The following TFDP2 variants were observed in gnomAD, a reference collection of about 807,000 sequenced individuals.
The protein encoded by TFDP2 is transcription factor Dp-2.
A neutral mutation model predicts 59.3 loss-of-function variants in TFDP2; 17 were observed. The observed-to-expected ratio is 0.29, with a 90% confidence interval of 0.20 to 0.43. The LOEUF (loss-of-function observed/expected upper bound fraction) is 0.43, where lower values mean the gene tolerates loss of function less well. TFDP2 is among the 20% of genes least tolerant of loss of function. The pLI is 1.00. For missense variants in TFDP2, 391 were observed against 528.8 expected, an observed-to-expected ratio of 0.74 and a Z score of 2.56; for synonymous variants, 180 against 194.7, an observed-to-expected ratio of 0.92 and a Z score of 0.63.
chr3:141,952,742 C>A (rs746051327), intron 12 of TFDP2, 46 bp from the exon 13 acceptor site: 1 of 1,602,534 alleles, frequency 6.2e-7, no homozygotes. Context: ...GTGGTATAAA[C>A]AGTTTTGTAA....
chr3:142,042,389 T>C (rs1196524167), intron 3 of TFDP2, among the ~76,000 whole-genome samples: 1 of 152,052 alleles, frequency 6.6e-6, no homozygotes, highest in Non-Finnish European at 1.5e-5. Context: ...TCTCTTGGGT[T>C]CAAGTGATTC....
intron 1 of TFDP2, among the ~76,000 whole-genome samples, chr3:142,119,354 G>T (rs116456478): frequency 6.6e-6 from 1 of 151,920 alleles, no homozygotes; most frequent in African/African-American, 2.4e-5. Context: ...AAAAGCAAAG[G>T]AATTAGACTA....
At chr3:142,108,361 C>T (rs142800724) in intron 1 of TFDP2, among the ~76,000 whole-genome samples, 1 of 152,188 alleles carries the variant, frequency 6.6e-6, no homozygotes, top group African/African-American at 2.4e-5. Context: ...AGGAGCCTGC[C>T]ACCACGCATG....
intron 3 of TFDP2, among the ~76,000 whole-genome samples, chr3:142,074,124 T>C (rs1269225081): frequency 6.6e-6 from 1 of 152,052 alleles, no homozygotes; most frequent in African/African-American, 2.4e-5. Context: ...AAATCAGAAA[T>C]AGGCCAGGTG....
At chr3:142,058,208 T>C (rs372496134) in intron 3 of TFDP2, among the ~76,000 whole-genome samples, 7 of 152,256 alleles carry the variant, frequency 4.6e-5, no homozygotes, top group African/African-American at 1.4e-4. Context: ...ACCCTCGATA[T>C]TAAAAGAGAG....
intron 1 of TFDP2, among the ~76,000 whole-genome samples, chr3:142,107,790 C>T (rs1018182602): frequency 2.6e-5 from 4 of 152,038 alleles, no homozygotes; most frequent in South Asian, 2.1e-4. Context: ...GTGTTCTTAA[C>T]TACTATAATA....
chr3:142,064,038 T>C (rs1160447608), intron 3 of TFDP2, among the ~76,000 whole-genome samples: 2 of 152,074 alleles, frequency 1.3e-5, no homozygotes, highest in Admixed American at 6.5e-5. Flanking sequence ...ACTGCAACCT[T>C]TGCCTCCTGG....
rs1323520998 is a variant in TFDP2, at chr3:142,134,215, G to A, written c.-93+14968C>T. ...GTGGGCGAAATTAGCTGGGCGTGGT[G>A]GCACATGCCTGTAATCCCAGCTACT... On this transcript the variant is annotated intron_variant, in intron 1 of 12. Transcript: ENST00000489671. 5.3e-5 allele frequency among the ~76,000 whole-genome samples: 8 copies of A among 151,534 alleles called. 1 individual carries two copies. Among genetic ancestry groups the A allele is most frequent in the Non-Finnish European group, 4.4e-5 (3 of 67,896 alleles).
At chr3:142,106,001 A>T (rs1336880813) in intron 1 of TFDP2, among the ~76,000 whole-genome samples, 5 of 152,208 alleles carry the variant, frequency 3.3e-5, no homozygotes, top group African/African-American at 1.2e-4. Context: ...TCTCATGACA[A>T]ATTAAGGCTT....
intron 1 of TFDP2, among the ~76,000 whole-genome samples, chr3:142,139,549 T>G (rs1289821092): frequency 1.3e-5 from 2 of 152,230 alleles, no homozygotes; most frequent in East Asian, 3.8e-4. Context: ...GGAGTTCTTG[T>G]AAGGCAGGCC....
At chr3:142,022,892 C>T (rs914336287) in intron 3 of TFDP2, among the ~76,000 whole-genome samples, 6 of 151,920 alleles carry the variant, frequency 3.9e-5, no homozygotes, top group Admixed American at 6.6e-5. Context: ...GAGGCCAAGG[C>T]GGGTGGATTA....
chr3:142,082,740 T>C (rs2060680705), intron 3 of TFDP2, among the ~76,000 whole-genome samples: 1 of 152,186 alleles, frequency 6.6e-6, no homozygotes, highest in Non-Finnish European at 1.5e-5. Flanking sequence ...CAATGTAATA[T>C]ATCATTTCAA....
chr3:142,131,436 ACT>A (rs1277410787), intron 1 of TFDP2, among the ~76,000 whole-genome samples: 1 of 150,186 alleles, frequency 6.7e-6, no homozygotes, highest in Non-Finnish European at 1.5e-5. Context: ...AATGTGAGTA[ACT>A]CTGTAAGTTT....
At chr3:142,104,936 A>G (rs2061427173) in intron 1 of TFDP2, among the ~76,000 whole-genome samples, 1 of 152,174 alleles carries the variant, frequency 6.6e-6, no homozygotes, top group Non-Finnish European at 1.5e-5. Flanking sequence ...AGTAGAGTGG[A>G]AAGAGTATGG....
At chr3:142,123,921 T>C (rs1003443876) in intron 1 of TFDP2, among the ~76,000 whole-genome samples, 7 of 152,136 alleles carry the variant, frequency 4.6e-5, no homozygotes, top group Non-Finnish European at 1.0e-4. Context: ...GAGATTCAAC[T>C]GGAGATGACC....
At chr3:141,991,771 G>A (rs546340307) in intron 6 of TFDP2, among the ~76,000 whole-genome samples, 1 of 152,228 alleles carries the variant, frequency 6.6e-6, no homozygotes, top group African/African-American at 2.4e-5. Context: ...GGCTGGGCGT[G>A]GTGGATCATG....
intron 1 of TFDP2, among the ~76,000 whole-genome samples, chr3:142,143,956 G>A (rs2063055996): frequency 6.6e-6 from 1 of 152,208 alleles, no homozygotes; most frequent in African/African-American, 2.4e-5. Flanking sequence ...GCATTCCTAT[G>A]TTTGTTGCAG....
intron 1 of TFDP2, among the ~76,000 whole-genome samples, chr3:142,128,598 G>A (rs1011621750): frequency 1.3e-5 from 2 of 151,084 alleles, no homozygotes; most frequent in Non-Finnish European, 2.9e-5. Context: ...TCTCTAACAT[G>A]AAATAAAGAG....
intron 2 of TFDP2, among the ~76,000 whole-genome samples, chr3:142,097,680 G>A (rs567863524): frequency 3.9e-5 from 6 of 152,232 alleles, no homozygotes; most frequent in African/African-American, 1.4e-4. Context: ...GCAAGACCCT[G>A]TCCCAAACTA....
Sources: allele counts gnomAD v4.1 joint callset (sites outside exome capture counted in the v4.1 genomes callset), GRCh38; gene constraint gnomAD v4.1.1; transcripts MANE v1.5; gene names NCBI Gene and HGNC (gene_info 2026-07-23, HGNC 2026-07-21).